Variants in SLC44A1 observed in about 807,000 individuals in gnomAD.
The protein encoded by SLC44A1 is choline transporter-like protein 1.
SLC44A1 carries 26 observed loss-of-function variants against 79.3 expected under a neutral mutation model. The observed-to-expected ratio is 0.33, with a 90% confidence interval of 0.24 to 0.46. The LOEUF is 0.46. SLC44A1 is among the 20% of genes least tolerant of loss of function. The pLI is 1.00. For missense variants in SLC44A1, 688 were observed against 798.1 expected (o/e 0.86, Z 1.66); for synonymous variants, 263 against 286.2 (o/e 0.92, Z 0.82).
intron 5 of SLC44A1, among the ~76,000 whole-genome samples, chr9:105,350,733 A>G (rs954515761): frequency 6.6e-6 from 1 of 152,174 alleles, no homozygotes; most frequent in Non-Finnish European, 1.5e-5. Context: ...TACTCCCCTC[A>G]AGGATTTGTA....
intron 1 of SLC44A1, among the ~76,000 whole-genome samples, chr9:105,261,951 A>G (rs1829851782): frequency 6.6e-6 from 1 of 151,170 alleles, no homozygotes; most frequent in Non-Finnish European, 1.5e-5. Flanking sequence ...AGCTAATTTT[A>G]TTTTTTTATT....
At chr9:105,429,475 G>T (rs545963350) in intron 15 of SLC44A1, among the ~76,000 whole-genome samples, 1 of 152,112 alleles carries the variant, frequency 6.6e-6, no homozygotes, top group Non-Finnish European at 1.5e-5. Context: ...GCTAATTTTT[G>T]AATTTTCTGT....
intron 1 of SLC44A1, among the ~76,000 whole-genome samples, chr9:105,258,878 T>C (rs906086693): frequency 6.6e-6 from 1 of 151,888 alleles, no homozygotes. Flanking sequence ...TTTTGTTTTT[T>C]TTTTTTGGTA....
At chr9:105,282,781 C>T (rs327944) in intron 1 of SLC44A1, among the ~76,000 whole-genome samples, 25,338 of 151,972 alleles carry the variant, frequency 0.17, 3,177 homozygotes, top group African/African-American at 0.35. Context: ...ACTCTGACCT[C>T]GTGATCCACC....
intron 15 of SLC44A1, among the ~76,000 whole-genome samples, chr9:105,419,388 T>C (rs1373210073): frequency 1.3e-5 from 2 of 152,170 alleles, no homozygotes; most frequent in Admixed American, 1.3e-4. Flanking sequence ...TCATTGTAGT[T>C]TTATAAAGAG....
In SLC44A1 at chr9:105,330,032, A is replaced by G. The variant is rs186068223; in HGVS notation, c.270-5531A>G. On this transcript the variant is annotated intron_variant, in intron 3 of 15. Coordinates refer to ENST00000374720, the MANE Select transcript of SLC44A1 (RefSeq NM_080546.5). ...TGTAACTTACTTGCATTCAAGAACT[A>G]TATTTTATGAATTTGGTATCCAAAG... is the stretch of plus-strand genomic sequence containing the variant. Among the ~76,000 whole-genome samples, 7 of 152,344 alleles carry G rather than the reference A, an allele frequency of 4.6e-5. No homozygotes were observed. In the East Asian group the frequency reaches 7.7e-4, roughly 17 times the overall value.
chr9:105,403,017 G>A lies in SLC44A1; in HGVS notation c.1950+17515G>A, dbSNP rs191297255. Among the ~76,000 whole-genome samples, 165 of 125,254 alleles carry A rather than the reference G, an allele frequency of 1.3e-3. No homozygotes were observed. In the East Asian group the frequency reaches 0.035, roughly 27 times the overall value. 82.2% of individuals were successfully genotyped at this position (125,254 alleles called of 152,430 possible). On this transcript the variant is annotated intron_variant, in intron 15 of 15. Transcript: ENST00000374724. ...TTTTTTTTTGGAAAGGCAGGGTCTCGCTTTGTTGCCCAGGCTGGTCTCCAA... is the reference window on the plus strand; with the variant it reads ...TTTTTTTTTGGAAAGGCAGGGTCTCACTTTGTTGCCCAGGCTGGTCTCCAA...
At chr9:105,273,056 A>G (rs1317556404) in intron 1 of SLC44A1, among the ~76,000 whole-genome samples, 1 of 151,424 alleles carries the variant, frequency 6.6e-6, no homozygotes, top group Non-Finnish European at 1.5e-5. Context: ...TAGTGGCGCG[A>G]TCTTGGCTCA....
At chr9:105,404,671 G>A (rs1829005718) in intron 15 of SLC44A1, among the ~76,000 whole-genome samples, 1 of 152,214 alleles carries the variant, frequency 6.6e-6, no homozygotes, top group African/African-American at 2.4e-5. Flanking sequence ...TTCGAAAGCA[G>A]TTAAATACAA....
rs190434470 is a variant in SLC44A1, at chr9:105,275,416, T to G, written c.37-23804T>G. Among the ~76,000 whole-genome samples, 12 of 152,352 alleles carry G rather than the reference T, an allele frequency of 7.9e-5. No homozygotes were observed. In the East Asian group the frequency reaches 2.3e-3, roughly 29 times the overall value. On this transcript the variant is annotated intron_variant, in intron 1 of 15. Transcript: ENST00000374720. ...ATGAATATTGAGTTTTTGTTGGTCA[T>G]ATTTTGCTTTCAGCTCTTGAATTTT...
At chr9:105,309,669 G>T in intron 2 of SLC44A1, 55 bp from the exon 3 acceptor site, 1 of 1,530,830 alleles carries the variant, frequency 6.5e-7, no homozygotes, top group South Asian at 1.1e-5. Flanking sequence ...ATCAACTAGT[G>T]ACTGTTGGCT....
chr9:105,270,783 G>C (rs1830058490), intron 1 of SLC44A1, among the ~76,000 whole-genome samples: 2 of 152,112 alleles, frequency 1.3e-5, no homozygotes, highest in South Asian at 4.1e-4. Context: ...ATTTTGTCAG[G>C]TCTGTTGACT....
Position 105,244,770 on chromosome 9 carries a change from A to T in SLC44A1, c.-99A>T. ...CGCCGCCGCCTAGCCGTGCGGTGCC[A>T]GGCCGCGCCCTCCCCGGGCGCCCGC... On this transcript the variant is annotated 5_prime_UTR_variant, in exon 1 of 16. Transcript: ENST00000374720. 2 of 640,420 alleles carry T rather than the reference A, an allele frequency of 3.1e-6. No individual in the cohort carries two copies. Among genetic ancestry groups the T allele is most frequent in the Non-Finnish European group, 4.2e-6 (2 of 475,478 alleles). 39.7% of individuals were successfully genotyped at this position (640,420 alleles called of 1,614,324 possible).
chr9:105,363,621 T>A (rs113670898), intron 9 of SLC44A1, among the ~76,000 whole-genome samples: 3,911 of 152,166 alleles, frequency 0.026, 54 homozygotes, highest in Middle Eastern at 0.058. Flanking sequence ...TGCACCACCA[T>A]GCCTGGCTAA....
intron 1 of SLC44A1, among the ~76,000 whole-genome samples, chr9:105,287,954 A>G (rs1000217308): frequency 2.6e-5 from 4 of 152,254 alleles, no homozygotes; most frequent in African/African-American, 7.2e-5. Context: ...AAGTAGAAAA[A>G]GCATAATCTG....
intron 4 of SLC44A1, among the ~76,000 whole-genome samples, chr9:105,339,965 G>A (rs1301547337): frequency 6.6e-6 from 1 of 152,114 alleles, no homozygotes; most frequent in Non-Finnish European, 1.5e-5. Context: ...AGTCAAATAA[G>A]TCAGTCATAA....
intron 15 of SLC44A1, among the ~76,000 whole-genome samples, chr9:105,411,560 T>G (rs935052021): frequency 6.6e-6 from 1 of 152,122 alleles, no homozygotes; most frequent in African/African-American, 2.4e-5. Context: ...GCTTTTTTTT[T>G]TTCTGGTCAA....
At chr9:105,292,135 C>T (rs1423431641) in intron 1 of SLC44A1, among the ~76,000 whole-genome samples, 1 of 152,130 alleles carries the variant, frequency 6.6e-6, no homozygotes, top group East Asian at 1.9e-4. Context: ...CTTTGAATGT[C>T]GGAGAATGCA....
At chr9:105,349,162 A>G (rs1438888486) in intron 5 of SLC44A1, among the ~76,000 whole-genome samples, 1 of 152,188 alleles carries the variant, frequency 6.6e-6, no homozygotes, top group Admixed American at 6.5e-5. Context: ...ACGTATCTGT[A>G]TATGTGTGTA....
Sources: allele counts gnomAD v4.1 joint callset (sites outside exome capture counted in the v4.1 genomes callset), GRCh38; gene constraint gnomAD v4.1.1; transcripts MANE v1.5; gene names NCBI Gene and HGNC (gene_info 2026-07-23, HGNC 2026-07-21).